NXPH2: variants seen among roughly 807,000 people sequenced by gnomAD.
The protein encoded by NXPH2 is neurexophilin 2.
A neutral mutation model predicts 19.8 loss-of-function variants in NXPH2; 5 were observed. The observed-to-expected ratio is 0.25, with a 90% CI of 0.13 to 0.53. The LOEUF is 0.53. NXPH2 is among the 20% of genes least tolerant of loss of function. The pLI, the probability that NXPH2 is intolerant of heterozygous loss-of-function variation, is 0.96. For missense variants in NXPH2, 289 were observed against 322.8 expected, an observed-to-expected ratio of 0.90 and a Z score of 0.80; for synonymous variants, 154 against 127.4, an observed-to-expected ratio of 1.21 and a Z score of -1.41.
In NXPH2 at chr2:138,669,570, A is replaced by T. The variant is rs192926682; in HGVS notation, c.*1352T>A. Among the ~76,000 whole-genome samples, 603 of 152,262 alleles carry T rather than the reference A, an allele frequency of 4.0e-3. 2 individuals carry two copies. The highest frequency in any genetic ancestry group is 6.7e-3 in the Non-Finnish European group (455 of 68,012). ...TTCTCTTCCTTTAGTCCTCAATTTA[A>T]TGTTTTACTTTAATTAATATTTTAC... On this transcript the variant is annotated 3_prime_UTR_variant, in exon 2 of 2. Coordinates refer to ENST00000272641, the MANE Select transcript of NXPH2 (RefSeq NM_007226.3).
chr2:138,738,469 T>C (rs1000056237), intron 1 of NXPH2, among the ~76,000 whole-genome samples: 1 of 152,218 alleles, frequency 6.6e-6, no homozygotes, highest in Non-Finnish European at 1.5e-5. Context: ...TTTAGAGATA[T>C]ATCTATTACA....
At position 138,711,145 on chromosome 2, in the gene NXPH2, CT is replaced by C. The variant is rs397766605; in HGVS notation, c.52-39481del. Among the ~76,000 whole-genome samples, 6 of 91,060 alleles carry C rather than the reference CT, an allele frequency of 6.6e-5. 1 individual carries two copies. Among genetic ancestry groups the C allele is most frequent in the African/African-American group, 1.6e-4 (4 of 24,870 alleles). The allele number at this position is 91,060 out of a possible 152,430, so 59.7% of individuals were successfully genotyped here. A position where few individuals can be genotyped will look rare whatever the true frequency, so the allele number is the denominator to read the frequency against. ...TGGAATTTCCTTCCCATTTCTATCACTTTTTTTTTTTTTGAGATTGAGTCTC... is the reference window on the plus strand; with the variant it reads ...TGGAATTTCCTTCCCATTTCTATCACTTTTTTTTTTTTGAGATTGAGTCTC... On this transcript the variant is annotated intron_variant, in intron 1 of 1. Transcript: ENST00000272641.
At chr2:138,743,207 A>G (rs1436417115) in intron 1 of NXPH2, among the ~76,000 whole-genome samples, 3 of 152,224 alleles carry the variant, frequency 2.0e-5, no homozygotes, top group Admixed American at 1.3e-4. Context: ...ATTTACATAT[A>G]CCACAAGTTA....
chr2:138,688,459 G>C (rs900349351), intron 1 of NXPH2, among the ~76,000 whole-genome samples: 1 of 152,180 alleles, frequency 6.6e-6, no homozygotes, highest in African/African-American at 2.4e-5. Flanking sequence ...TAGGATTACA[G>C]GTGTGAGCCA....
intron 1 of NXPH2, among the ~76,000 whole-genome samples, chr2:138,706,919 A>C (rs946289307): frequency 2.6e-5 from 4 of 151,520 alleles, no homozygotes; most frequent in Admixed American, 2.6e-4. Flanking sequence ...AAACTAAAAT[A>C]AAGAAAAAAA....
chr2:138,779,283 A>G (rs1312289205), intron 1 of NXPH2, among the ~76,000 whole-genome samples: 2 of 152,222 alleles, frequency 1.3e-5, no homozygotes, highest in African/African-American at 4.8e-5. Flanking sequence ...TGACCCAGCC[A>G]AAGCACTCCC....
At chr2:138,753,676 C>T (rs1011741095) in intron 1 of NXPH2, among the ~76,000 whole-genome samples, 1 of 152,072 alleles carries the variant, frequency 6.6e-6, no homozygotes, top group Admixed American at 6.6e-5. Context: ...ACAGATGTCA[C>T]CAACTCTAAT....
intron 1 of NXPH2, among the ~76,000 whole-genome samples, chr2:138,715,223 T>C (rs1005702390): frequency 6.6e-6 from 1 of 152,196 alleles, no homozygotes; most frequent in Non-Finnish European, 1.5e-5. Flanking sequence ...TTATTATCTA[T>C]TAAGTGAGTT....
chr2:138,670,734 C>T lies in NXPH2; in HGVS notation c.*188G>A, dbSNP rs762703326. On this transcript the variant is annotated 3_prime_UTR_variant, in exon 2 of 2. Transcript: ENST00000272641. ...TTAACTTTTTAGATAAAGGTACCTA[C>T]GATAGAAAGAAACAAATTTCACACT... The T allele has an allele frequency of 4.1e-5, 23 of 554,702 alleles. No homozygotes were observed. Among genetic ancestry groups the T allele is most frequent in the Non-Finnish European group, 6.0e-5 (20 of 330,774 alleles). The allele number at this position is 554,702 out of a possible 1,614,324, so 34.4% of individuals were successfully genotyped here.
At chr2:138,724,718 T>C (rs1342165790) in intron 1 of NXPH2, among the ~76,000 whole-genome samples, 1 of 152,260 alleles carries the variant, frequency 6.6e-6, no homozygotes, top group Non-Finnish European at 1.5e-5. Context: ...CTCATAATTG[T>C]GCATATATGT....
At chr2:138,765,263 A>G (rs1034110033) in intron 1 of NXPH2, among the ~76,000 whole-genome samples, 25 of 152,334 alleles carry the variant, frequency 1.6e-4, no homozygotes, top group Non-Finnish European at 2.9e-4. Context: ...GTGCAGGTTC[A>G]TTCTCCATAT....
intron 1 of NXPH2, among the ~76,000 whole-genome samples, chr2:138,749,409 C>T (rs1177710242): frequency 1.3e-5 from 2 of 152,118 alleles, no homozygotes; most frequent in East Asian, 3.9e-4. Context: ...TAATACCTTA[C>T]ATTAATGATA....
intron 1 of NXPH2, among the ~76,000 whole-genome samples, chr2:138,777,307 G>C (rs574110416): frequency 6.6e-6 from 1 of 152,112 alleles, no homozygotes; most frequent in Non-Finnish European, 1.5e-5. Context: ...TTCTTTATAA[G>C]AGTATGTTGC....
chr2:138,730,388 C>G lies in NXPH2; in HGVS notation c.51+49803G>C, dbSNP rs537006779. Among the ~76,000 whole-genome samples the G allele has an allele frequency of 2.0e-5, 3 of 152,048 alleles. No individual in the cohort carries two copies. In the East Asian group the frequency reaches 5.8e-4, roughly 30 times the overall value. On this transcript the variant is annotated intron_variant, in intron 1 of 1. Coordinates refer to ENST00000272641, the MANE Select transcript of NXPH2 (RefSeq NM_007226.3). The stretch of plus-strand genomic sequence containing the variant: ...AATTACCTTTTTAAAGGCTCTATCT[C>G]CAAATATAGTCACATTTTGAGGTCC...
At chr2:138,752,111 A>T (rs1328257770) in intron 1 of NXPH2, among the ~76,000 whole-genome samples, 1 of 152,224 alleles carries the variant, frequency 6.6e-6, no homozygotes, top group Non-Finnish European at 1.5e-5. Flanking sequence ...CCTGTATCTA[A>T]CAATGCGATA....
intron 1 of NXPH2, among the ~76,000 whole-genome samples, chr2:138,757,406 C>T (rs936333538): frequency 6.6e-6 from 1 of 152,148 alleles, no homozygotes; most frequent in Non-Finnish European, 1.5e-5. Flanking sequence ...TCCCTTGGGT[C>T]CTCCTCCACT....
intron 1 of NXPH2, among the ~76,000 whole-genome samples, chr2:138,745,331 C>T (rs945372377): frequency 2.1e-4 from 32 of 152,136 alleles, no homozygotes; most frequent in Admixed American, 4.6e-4. Context: ...GCAGTGCATA[C>T]GAGTGTCAAC....
rs1680391960 is a variant in NXPH2, at chr2:138,670,043, C to T, written c.*879G>A. Reference sequence around the variant, plus strand: ...AGTCTAGGAAACAAGCACTTTCACTCAACTTCAGAGCTGTTCTACACATGT... The same window carrying T: ...AGTCTAGGAAACAAGCACTTTCACTTAACTTCAGAGCTGTTCTACACATGT... On this transcript the variant is annotated 3_prime_UTR_variant, in exon 2 of 2. Coordinates refer to ENST00000272641, the MANE Select transcript of NXPH2 (RefSeq NM_007226.3). 6.6e-6 allele frequency among the ~76,000 whole-genome samples: 1 copy of T among 152,196 alleles called. No individual in the cohort carries two copies. Among genetic ancestry groups the T allele is most frequent in the Non-Finnish European group, 1.5e-5 (1 of 68,038 alleles).
chr2:138,716,926 T>A lies in NXPH2; in HGVS notation c.52-45261A>T, dbSNP rs147088673. 1.4e-4 allele frequency among the ~76,000 whole-genome samples: 22 copies of A among 152,338 alleles called. 1 individual carries two copies. Among genetic ancestry groups the A allele is most frequent in the African/African-American group, 5.3e-4 (22 of 41,572 alleles). ...CCAAAATTAATAACACACTTAACTT[T>A]TGAGCCTGCAATTCCTCTCTCAAGA... On this transcript the variant is annotated intron_variant, in intron 1 of 1. Transcript: ENST00000272641.
Sources: gnomAD v4.1 joint callset for allele counts (sites outside exome capture counted in the v4.1 genomes callset) on GRCh38, gnomAD v4.1.1 for gene constraint, MANE v1.5 for transcripts, NCBI Gene and HGNC (gene_info 2026-07-23, HGNC 2026-07-21) for gene names.